Variants in KIAA1328 observed in about 807,000 individuals in gnomAD.
KIAA1328 encodes the protein KIAA1328, also known as protein hinderin.
Under a neutral mutation model 68.1 loss-of-function variants are expected in KIAA1328, and 52 were observed. The observed-to-expected ratio is 0.76, with a 90% CI of 0.61 to 0.96. KIAA1328 has a LOEUF of 0.96. Among genes scored for constraint, KIAA1328 ranks in the 40% least tolerant of loss-of-function variants. KIAA1328 has a pLI of 0.00. For missense variants in KIAA1328, 641 were observed against 677.6 expected (o/e 0.95, Z 0.60); for synonymous variants, 232 against 239.4 (o/e 0.97, Z 0.28).
chr18:36,906,386 T>C (rs1409606944), intron 5 of KIAA1328, among the ~76,000 whole-genome samples: 4 of 152,180 alleles, frequency 2.6e-5, no homozygotes, highest in Non-Finnish European at 5.9e-5. Flanking sequence ...TTCTGATTTA[T>C]TTGGAATCTG....
At chr18:37,040,462 T>A (rs997993507) in intron 6 of KIAA1328, among the ~76,000 whole-genome samples, 3 of 152,168 alleles carry the variant, frequency 2.0e-5, no homozygotes, top group African/African-American at 7.2e-5. Flanking sequence ...CTGTCTCTTG[T>A]TTTATTTTAT....
intron 6 of KIAA1328, among the ~76,000 whole-genome samples, chr18:37,041,282 T>C (rs1447587940): frequency 1.3e-5 from 2 of 152,062 alleles, no homozygotes; most frequent in African/African-American, 4.8e-5. Context: ...TAATTTACCA[T>C]TTTATCAGTA....
At chr18:36,849,166 A>G (rs1305854508) in intron 4 of KIAA1328, among the ~76,000 whole-genome samples, 1 of 151,922 alleles carries the variant, frequency 6.6e-6, no homozygotes, top group Non-Finnish European at 1.5e-5. Flanking sequence ...CGCAATGTGC[A>G]TTAAACAACT....
At chr18:37,037,195 T>G (rs1044731773) in intron 6 of KIAA1328, among the ~76,000 whole-genome samples, 1 of 152,180 alleles carries the variant, frequency 6.6e-6, no homozygotes, top group Non-Finnish European at 1.5e-5. Context: ...TCAAATCAAA[T>G]GACTTTTCAG....
chr18:37,162,786 A>G (rs552515129), intron 8 of KIAA1328, among the ~76,000 whole-genome samples: 1 of 151,916 alleles, frequency 6.6e-6, no homozygotes. Flanking sequence ...TACACAGGAC[A>G]TTTACTACAG....
intron 6 of KIAA1328, among the ~76,000 whole-genome samples, chr18:36,960,851 G>A (rs2051636209): frequency 1.3e-5 from 2 of 152,162 alleles, no homozygotes; most frequent in South Asian, 2.1e-4. Flanking sequence ...AACCACAAAG[G>A]TGGGGAGAAA....
intron 7 of KIAA1328, among the ~76,000 whole-genome samples, chr18:37,089,430 A>C (rs909148773): frequency 4.5e-5 from 6 of 133,002 alleles, no homozygotes; most frequent in Middle Eastern, 5.9e-3. Context: ...GCTGGAGTGC[A>C]GTGTCACAAT....
At chr18:37,132,388 C>G (rs1319783494) in intron 7 of KIAA1328, among the ~76,000 whole-genome samples, 1 of 152,168 alleles carries the variant, frequency 6.6e-6, no homozygotes, top group Non-Finnish European at 1.5e-5. Context: ...AATCCTCTTG[C>G]TGGTTGCTTT....
At chr18:37,090,216 A>G (rs568201323) in intron 7 of KIAA1328, among the ~76,000 whole-genome samples, 37 of 152,330 alleles carry the variant, frequency 2.4e-4, no homozygotes, top group Non-Finnish European at 3.7e-4. Flanking sequence ...CAAATTCTTA[A>G]TGCCTCACTT....
At chr18:36,932,477 G>A (rs935509316) in intron 5 of KIAA1328, among the ~76,000 whole-genome samples, 17 of 152,254 alleles carry the variant, frequency 1.1e-4, no homozygotes, top group African/African-American at 3.9e-4. Context: ...ACCCACCTTA[G>A]CCTTCCAAAG....
intron 7 of KIAA1328, among the ~76,000 whole-genome samples, chr18:37,124,515 T>G (rs1187225720): frequency 6.6e-6 from 1 of 152,152 alleles, no homozygotes; most frequent in Non-Finnish European, 1.5e-5. Context: ...CAATCCATCC[T>G]ATACAAAGCA....
intron 3 of KIAA1328, among the ~76,000 whole-genome samples, chr18:36,839,914 C>T (rs374018559): frequency 1.8e-4 from 28 of 152,244 alleles, no homozygotes; most frequent in African/African-American, 3.1e-4. Context: ...GCTCTTTCCC[C>T]GGGATGAGTA....
intron 7 of KIAA1328, among the ~76,000 whole-genome samples, chr18:37,118,735 A>G (rs1268739466): frequency 2.0e-5 from 3 of 152,152 alleles, no homozygotes; most frequent in Admixed American, 6.6e-5. Flanking sequence ...AACAGACCCT[A>G]AAGTCATTGA....
At chr18:36,863,047 A>G (rs1415460025) in intron 4 of KIAA1328, among the ~76,000 whole-genome samples, 1 of 152,022 alleles carries the variant, frequency 6.6e-6, no homozygotes, top group Non-Finnish European at 1.5e-5. Flanking sequence ...AGTTCTTTAT[A>G]TGTTCTAGAT....
At chr18:36,968,902 C>G (rs1387145863) in intron 6 of KIAA1328, among the ~76,000 whole-genome samples, 2 of 152,102 alleles carry the variant, frequency 1.3e-5, no homozygotes, top group African/African-American at 2.4e-5. Flanking sequence ...CAATCTGCAG[C>G]AAATGCAAAA....
chr18:37,198,434 T>C (rs2060044010), intron 9 of KIAA1328, among the ~76,000 whole-genome samples: 1 of 152,152 alleles, frequency 6.6e-6, no homozygotes, highest in Non-Finnish European at 1.5e-5. Context: ...CTATAAAAAA[T>C]CTATTGGATT....
chr18:36,971,729 G>C (rs1171213094), intron 6 of KIAA1328, among the ~76,000 whole-genome samples: 1 of 152,154 alleles, frequency 6.6e-6, no homozygotes, highest in Non-Finnish European at 1.5e-5. Context: ...AACATGGATT[G>C]AACAAGAGGC....
At chr18:37,084,476 G>GTTTTTTTTTTTTTTTT (rs1174581418) in intron 7 of KIAA1328, 1 of 129,146 alleles carries the variant, frequency 7.7e-6, no homozygotes, top group Non-Finnish European at 1.5e-5. Flanking sequence ...TTTGTTTTTT[G>GTTTTTTTTTTTTTTTT]TTTTTTTTTT....
At chr18:37,178,563 T>C (rs1418917700) in intron 9 of KIAA1328, among the ~76,000 whole-genome samples, 1 of 151,334 alleles carries the variant, frequency 6.6e-6, no homozygotes, top group African/African-American at 2.4e-5. Flanking sequence ...GATATCTCTT[T>C]GACATACCGG....
Sources: gnomAD v4.1 joint callset for allele counts (sites outside exome capture counted in the v4.1 genomes callset) on GRCh38, gnomAD v4.1.1 for gene constraint, MANE v1.5 for transcripts, NCBI Gene and HGNC (gene_info 2026-07-23, HGNC 2026-07-21) for gene names.